Variants in MAP2K5 observed in about 807,000 individuals in gnomAD.
MAP2K5 encodes mitogen-activated protein kinase kinase 5, also known as dual specificity mitogen-activated protein kinase kinase 5.
Under a neutral mutation model 83.1 loss-of-function variants are expected in MAP2K5, and 49 were observed. That is an observed-to-expected ratio of 0.59 (90% CI 0.47 to 0.75). The LOEUF is 0.75. Among genes scored for constraint, MAP2K5 ranks in the 30% least tolerant of loss-of-function variants. The pLI, the probability that MAP2K5 is intolerant of heterozygous loss-of-function variation, is 0.00. For synonymous variants in MAP2K5, 202 were observed against 191.8 expected (o/e 1.05, Z -0.44); for missense variants, 457 against 557.5 (o/e 0.82, Z 1.82).
At chr15:67,670,631 T>C (rs1290199764) in intron 13 of MAP2K5, among the ~76,000 whole-genome samples, 1 of 152,110 alleles carries the variant, frequency 6.6e-6, no homozygotes, top group Non-Finnish European at 1.5e-5. Flanking sequence ...GATTCTGTTA[T>C]TGTTTCTGTA....
chr15:67,569,350 A>G (rs999048144), intron 3 of MAP2K5, among the ~76,000 whole-genome samples: 4 of 152,252 alleles, frequency 2.6e-5, no homozygotes, highest in African/African-American at 9.6e-5. Context: ...TACACAGTAT[A>G]TTCTTCAGAG....
rs185377715 is a variant in MAP2K5 at position 67,658,572 on chromosome 15, T to C, written c.756T>C (p.Tyr252=). 5.0e-6 allele frequency: 8 copies of C among 1,612,244 alleles called. No individual in the cohort carries two copies. The highest frequency in any genetic ancestry group is 2.5e-6 in the Non-Finnish European group (3 of 1,178,650). The change falls in exon 12 of 22, where the codon TAT becomes TAC. Residue 252 remains tyrosine, a synonymous_variant. Coordinates refer to ENST00000178640, the MANE Select transcript of MAP2K5 (RefSeq NM_145160.3). ...EFMDGGSLDV[Y]RKMPEHVLGR... is the part of the protein sequence containing the mutation. Reference sequence around the variant, plus strand: ...CTACAGGGGGATCTTTGGATGTATATAGGAAAATGCCAGAACATGTCCTTG... The same window carrying C: ...CTACAGGGGGATCTTTGGATGTATACAGGAAAATGCCAGAACATGTCCTTG...
chr15:67,699,504 T>C (rs951870369), intron 15 of MAP2K5, among the ~76,000 whole-genome samples: 1 of 152,156 alleles, frequency 6.6e-6, no homozygotes, highest in Admixed American at 6.5e-5. Context: ...TGGAACAAAC[T>C]ATGACCATAG....
Position 67,782,732 on chromosome 15 carries a change from T to C in MAP2K5, c.1242+9980T>C, listed in dbSNP as rs1459848169. ...TTAAGCCACAGCTTTGCCTCTGGAA[T>C]ACTCTCGCTCTAACTCTGGGGAAGG... On this transcript the variant is annotated intron_variant, in intron 21 of 21. Coordinates refer to ENST00000178640, the MANE Select transcript of MAP2K5 (RefSeq NM_145160.3). This position sits in a 1 kb window ranked among gnomAD's most constrained non-coding sequence, Gnocchi z 4.9. Among the ~76,000 whole-genome samples, 3 of 152,332 alleles carry C rather than the reference T, an allele frequency of 2.0e-5. No homozygotes were observed. The East Asian group carries it at 5.8e-4, about 29-fold the overall frequency.
chr15:67,614,852 A>G (rs1815737327), intron 8 of MAP2K5, among the ~76,000 whole-genome samples: 1 of 152,190 alleles, frequency 6.6e-6, no homozygotes, highest in Admixed American at 6.5e-5. Context: ...CTTATTGAAA[A>G]TCTTTCTAAT....
At chr15:67,634,926 G>A (rs949340184) in intron 9 of MAP2K5, among the ~76,000 whole-genome samples, 1 of 151,984 alleles carries the variant, frequency 6.6e-6, no homozygotes, top group African/African-American at 2.4e-5. Flanking sequence ...TGATATGTTT[G>A]GATTCAAATC....
intron 12 of MAP2K5, among the ~76,000 whole-genome samples, chr15:67,660,872 A>AG (rs1391027596): frequency 4.3e-3 from 1 of 234 alleles, no homozygotes; most frequent in Non-Finnish European, 0.071. Context: ...ACAGAATGAG[A>AG]AAAAAAAAAA....
intron 8 of MAP2K5, among the ~76,000 whole-genome samples, chr15:67,623,798 T>C (rs1456087488): frequency 2.0e-5 from 3 of 151,912 alleles, no homozygotes; most frequent in Non-Finnish European, 4.4e-5. Context: ...GGTTTCTCCA[T>C]GTTGGTCAGG....
chr15:67,727,817 T>C (rs2089133586), intron 16 of MAP2K5, 99 bp from the exon 17 acceptor site: 3 of 861,394 alleles, frequency 3.5e-6, no homozygotes. Flanking sequence ...CTTTTTTATA[T>C]TTGCTGGATG....
chr15:67,672,070 C>T (rs946648641), intron 13 of MAP2K5, among the ~76,000 whole-genome samples: 5 of 151,926 alleles, frequency 3.3e-5, no homozygotes, highest in Non-Finnish European at 5.9e-5. Context: ...CATTGTTGGA[C>T]ATTTGGGTTG....
intron 16 of MAP2K5, among the ~76,000 whole-genome samples, chr15:67,711,731 A>G (rs1224291837): frequency 6.6e-6 from 1 of 152,194 alleles, no homozygotes; most frequent in African/African-American, 2.4e-5. Context: ...AAAAGAGACA[A>G]CAGCACTCAA....
rs917515712 is a variant in MAP2K5, at chr15:67,577,739, G to A, written c.253-3015G>A. ...TTGCTGGCCGTGTGCAGTGGCTCAC[G>A]CCTGTAATCCCAGCACTTTGGGAGG... On this transcript the variant is annotated intron_variant, in intron 3 of 21. Transcript: ENST00000178640. The surrounding 1 kb of genome is among the most constrained non-coding windows in gnomAD (Gnocchi z 4.1). Among the ~76,000 whole-genome samples the A allele has an allele frequency of 3.3e-5, 5 of 152,148 alleles. No homozygotes were observed. Among genetic ancestry groups the A allele is most frequent in the South Asian group, 2.1e-4 (1 of 4,828 alleles).
intron 3 of MAP2K5, among the ~76,000 whole-genome samples, chr15:67,569,155 A>G (rs1188698489): frequency 6.6e-6 from 1 of 152,204 alleles, no homozygotes; most frequent in Non-Finnish European, 1.5e-5. Context: ...TCAGGGCCTT[A>G]GCTATTAGGA....
chr15:67,739,927 C>T (rs2089455971), intron 17 of MAP2K5, among the ~76,000 whole-genome samples: 1 of 152,130 alleles, frequency 6.6e-6, no homozygotes, highest in Admixed American at 6.5e-5. Flanking sequence ...AATGCAGCAA[C>T]CTTTCTTACA....
chr15:67,731,696 A>G (rs1169451276), intron 17 of MAP2K5, among the ~76,000 whole-genome samples: 1 of 152,194 alleles, frequency 6.6e-6, no homozygotes, highest in Non-Finnish European at 1.5e-5. Flanking sequence ...ACTCAGGCTC[A>G]GAGAGGCAAA....
At chr15:67,614,638 T>C (rs1276187270) in intron 8 of MAP2K5, among the ~76,000 whole-genome samples, 1 of 152,148 alleles carries the variant, frequency 6.6e-6, no homozygotes, top group African/African-American at 2.4e-5. Context: ...ATCTCAGAGG[T>C]ATTTAGACCA....
intron 16 of MAP2K5, among the ~76,000 whole-genome samples, chr15:67,710,661 G>A (rs577766371): frequency 1.3e-5 from 2 of 152,052 alleles, no homozygotes; most frequent in African/African-American, 2.4e-5. Context: ...GCGCCACCAC[G>A]CCCGGCTGAT....
At chr15:67,554,866 G>C (rs947644628) in intron 2 of MAP2K5, among the ~76,000 whole-genome samples, 3 of 152,202 alleles carry the variant, frequency 2.0e-5, no homozygotes. Flanking sequence ...ATCTAAATGA[G>C]TAATTTGCGT....
chr15:67,670,317 G>C, intron 13 of MAP2K5: 1 of 438,852 alleles, frequency 2.3e-6, no homozygotes. Flanking sequence ...ACAAACAGTG[G>C]AGGAGGAGTT....
Sources: allele counts gnomAD v4.1 joint callset (sites outside exome capture counted in the v4.1 genomes callset), GRCh38; gene constraint gnomAD v4.1.1; non-coding constraint Gnocchi (gnomAD v3.1); transcripts MANE v1.5; gene names NCBI Gene and HGNC (gene_info 2026-07-23, HGNC 2026-07-21).